Variants in PRKN observed in about 807,000 individuals in gnomAD.
The protein encoded by PRKN is parkin RBR E3 ubiquitin protein ligase, also known as E3 ubiquitin-protein ligase parkin.
In PRKN, 56 loss-of-function variants were observed where a neutral mutation model predicts 59.5. The ratio of observed to expected loss-of-function variants is 0.94; its 90% confidence interval spans 0.76 to 1.18. The LOEUF is 1.18. Ranked by LOEUF, PRKN falls within the 50% of genes most tolerant of loss-of-function variation. The probability of loss-of-function intolerance (pLI) is 0.00; values close to 1 mark genes in which losing one functional copy is unlikely to be tolerated. For missense variants in PRKN, 657 were observed against 596.4 expected, an observed-to-expected ratio of 1.10 and a Z score of -1.06; for synonymous variants, 250 against 222.1, an observed-to-expected ratio of 1.13 and a Z score of -1.12.
chr6:162,219,585 A>C (rs1344661725), intron 3 of PRKN, among the ~76,000 whole-genome samples: 2 of 151,904 alleles, frequency 1.3e-5, no homozygotes, highest in Admixed American at 1.3e-4. Context: ...AAACTTGTGC[A>C]TCATCCAATG....
At chr6:162,344,696 G>T (rs928847756) in intron 2 of PRKN, among the ~76,000 whole-genome samples, 4 of 151,688 alleles carry the variant, frequency 2.6e-5, no homozygotes, top group African/African-American at 9.7e-5. Context: ...ACTAACAGTG[G>T]CTCTGAAAAT....
chr6:162,555,613 G>T (rs931035810), intron 1 of PRKN, among the ~76,000 whole-genome samples: 1 of 146,936 alleles, frequency 6.8e-6, no homozygotes. Flanking sequence ...TGATGTCAGC[G>T]TTACACTGTG....
chr6:161,902,134 C>T (rs1777940320), intron 6 of PRKN, among the ~76,000 whole-genome samples: 1 of 152,146 alleles, frequency 6.6e-6, no homozygotes, highest in Admixed American at 6.5e-5. Context: ...ACAGGGGTTT[C>T]TAAGTTAACA....
rs373668342 is a variant in PRKN, at chr6:162,284,943, A to C, written c.172-22178T>G. Among the ~76,000 whole-genome samples, 103 of 152,272 alleles carry C rather than the reference A, an allele frequency of 6.8e-4. 2 individuals carry two copies. In the South Asian group the frequency reaches 0.02, roughly 29 times the overall value. ...GGCCTTTACAGAGGTAACCAAGTTAAAATGTCAGCATTAGGGTGGGTCTTA... is the reference window on the plus strand; with the variant it reads ...GGCCTTTACAGAGGTAACCAAGTTACAATGTCAGCATTAGGGTGGGTCTTA... On this transcript the variant is annotated intron_variant, in intron 2 of 11. Coordinates refer to ENST00000366898, the MANE Select transcript of PRKN (RefSeq NM_004562.3).
At chr6:162,665,058 A>G (rs1779045358) in intron 1 of PRKN, among the ~76,000 whole-genome samples, 1 of 152,152 alleles carries the variant, frequency 6.6e-6, no homozygotes, top group South Asian at 2.1e-4. Context: ...TATTTATGAC[A>G]AACCCACAGC....
At chr6:162,229,095 T>C (rs1778310350) in intron 3 of PRKN, among the ~76,000 whole-genome samples, 1 of 152,216 alleles carries the variant, frequency 6.6e-6, no homozygotes, top group South Asian at 2.1e-4. Context: ...TTTTGCTAAA[T>C]TTATGTTTCC....
At chr6:162,270,755 AAC>A (rs1271891813) in intron 2 of PRKN, 2 of 152,180 alleles carry the variant, frequency 1.3e-5, no homozygotes, top group Non-Finnish European at 2.9e-5. Flanking sequence ...CACTTTTAAT[AAC>A]ACCTTAAATT....
intron 4 of PRKN, among the ~76,000 whole-genome samples, chr6:162,190,581 T>G (rs995338998): frequency 3.3e-5 from 5 of 152,182 alleles, no homozygotes; most frequent in Non-Finnish European, 7.3e-5. Flanking sequence ...GCTTTACTGA[T>G]GCATTTACGC....
chr6:161,652,603 G>T (rs754010906), intron 7 of PRKN, among the ~76,000 whole-genome samples: 15 of 152,192 alleles, frequency 9.9e-5, no homozygotes, highest in Non-Finnish European at 1.9e-4. Context: ...TAAGTTATTT[G>T]TTCTTATTAT....
At chr6:161,876,929 T>G (rs1794752467) in intron 6 of PRKN, among the ~76,000 whole-genome samples, 1 of 152,308 alleles carries the variant, frequency 6.6e-6, no homozygotes, top group African/African-American at 2.4e-5. Context: ...AATTTAATTC[T>G]TATTGAAATA....
rs200087767 is a variant in PRKN at position 162,007,709 on chromosome 6, G to GA, written c.619-34293dup. On this transcript the variant is annotated intron_variant, in intron 5 of 11. Coordinates refer to ENST00000366898, the MANE Select transcript of PRKN (RefSeq NM_004562.3). ...TACCTTAATGATATGATATTGGAAGGAAAAAAAATAAGGAAAACGGCTTAG... is the reference window on the plus strand; with the variant it reads ...TACCTTAATGATATGATATTGGAAGGAAAAAAAAATAAGGAAAACGGCTTAG... Among the ~76,000 whole-genome samples the GA allele has an allele frequency of 6.5e-3, 992 of 151,770 alleles. 12 individuals are homozygous for GA. The highest frequency in any genetic ancestry group is 0.022 in the African/African-American group (911 of 41,396).
chr6:161,541,300 C>T (rs75929701), intron 9 of PRKN, among the ~76,000 whole-genome samples: 2,464 of 152,248 alleles, frequency 0.016, 67 homozygotes, highest in African/African-American at 0.055. Flanking sequence ...TAAAGGCTGC[C>T]ATGTCAGACA....
chr6:161,815,098 C>T (rs150994231), intron 6 of PRKN, among the ~76,000 whole-genome samples: 35 of 152,140 alleles, frequency 2.3e-4, no homozygotes, highest in Non-Finnish European at 3.8e-4. Context: ...GACCATAAGC[C>T]GCATTTCATC....
chr6:162,474,412 G>T (rs1432034883), intron 1 of PRKN, among the ~76,000 whole-genome samples: 1 of 151,938 alleles, frequency 6.6e-6, no homozygotes, highest in Non-Finnish European at 1.5e-5. Context: ...ATACTTCTTT[G>T]TTAGGTTACT....
At chr6:162,472,457 C>CTTTTATTTTA (rs368175916) in intron 1 of PRKN, among the ~76,000 whole-genome samples, 1,273 of 123,652 alleles carry the variant, frequency 0.01, 79 homozygotes, top group African/African-American at 0.028. Flanking sequence ...CAAACTCTAA[C>CTTTTATTTTA]TTTTATTTTA....
At chr6:161,512,000 G>C (rs977711223) in intron 9 of PRKN, among the ~76,000 whole-genome samples, 1 of 152,162 alleles carries the variant, frequency 6.6e-6, no homozygotes, top group Non-Finnish European at 1.5e-5. Context: ...AGACACACAT[G>C]TGCACACACA....
chr6:161,875,928 T>C (rs899168872), intron 6 of PRKN, among the ~76,000 whole-genome samples: 2 of 152,088 alleles, frequency 1.3e-5, no homozygotes, highest in Admixed American at 1.3e-4. Context: ...ACCCATGACT[T>C]TGACCTTCAC....
intron 2 of PRKN, among the ~76,000 whole-genome samples, chr6:162,406,011 C>T (rs1018664109): frequency 2.0e-5 from 3 of 152,152 alleles, no homozygotes; most frequent in Non-Finnish European, 2.9e-5. Flanking sequence ...CTGGGCTGAA[C>T]ATCAAGACAG....
At chr6:162,211,922 C>G (rs1311520745) in intron 3 of PRKN, among the ~76,000 whole-genome samples, 1 of 152,084 alleles carries the variant, frequency 6.6e-6, no homozygotes, top group Admixed American at 6.6e-5. Flanking sequence ...TAGTAACATA[C>G]TGATAAGTTA....
Sources: allele counts gnomAD v4.1 joint callset (sites outside exome capture counted in the v4.1 genomes callset), GRCh38; gene constraint gnomAD v4.1.1; transcripts MANE v1.5; gene names NCBI Gene and HGNC (gene_info 2026-07-23, HGNC 2026-07-21).